TASP1: variants seen among roughly 807,000 people sequenced by gnomAD.
The protein encoded by TASP1 is threonine aspartase 1.
TASP1 carries 16 observed loss-of-function variants against 56.6 expected under a neutral mutation model. That is an observed-to-expected ratio of 0.28 (90% CI 0.19 to 0.43). The LOEUF (loss-of-function observed/expected upper bound fraction) is 0.43, where lower values mean the gene tolerates loss of function less well. TASP1 is among the 20% of genes least tolerant of loss of function. TASP1 has a pLI of 1.00. For synonymous variants in TASP1, 179 were observed against 184.2 expected (o/e 0.97, Z 0.23); for missense variants, 393 against 511.6 (o/e 0.77, Z 2.24).
chr20:13,491,384 C>G (rs902018509), intron 10 of TASP1, among the ~76,000 whole-genome samples: 2 of 152,158 alleles, frequency 1.3e-5, no homozygotes, highest in African/African-American at 4.8e-5. Flanking sequence ...ACAATACTTT[C>G]TCTTAAGGCA....
Position 13,569,663 on chromosome 20 carries a change from T to A in TASP1, c.489-77A>T, listed in dbSNP as rs960515485. The A allele has an allele frequency of 5.2e-5, 67 of 1,277,802 alleles. No individual in the cohort carries two copies. In the African/African-American group the frequency reaches 8.7e-4, roughly 17 times the overall value. The allele number at this position is 1,277,802 out of a possible 1,614,324, so 79.2% of individuals were successfully genotyped here. On this transcript the variant is annotated intron_variant, in intron 6 of 13. Coordinates refer to ENST00000337743, the MANE Select transcript of TASP1 (RefSeq NM_017714.3). Reference sequence around the variant, plus strand: ...TATTCAATAAATATAGGTAATATGGTAAGGCAGTTGAGAAAAAGTCTTGCA... The same window carrying A: ...TATTCAATAAATATAGGTAATATGGAAAGGCAGTTGAGAAAAAGTCTTGCA...
the TASP1 span, chr20:13,221,968 CG>C: frequency 1.5e-6 from 2 of 1,294,156 alleles, no homozygotes; most frequent in East Asian, 3.2e-5. Context: ...GTTTGTGGGG[CG>C]GGGGTGCTGA....
chr20:13,309,627 C>T, the TASP1 span, among the ~76,000 whole-genome samples: 2 of 152,220 alleles, frequency 1.3e-5, no homozygotes, highest in South Asian at 4.1e-4. Flanking sequence ...AAATAAAAGG[C>T]ATCTAAATCA....
the TASP1 span, among the ~76,000 whole-genome samples, chr20:13,144,069 G>T: frequency 6.6e-6 from 1 of 152,108 alleles, no homozygotes; most frequent in African/African-American, 2.4e-5. Context: ...TGACTCTCAA[G>T]GTGGCATTTT....
chr20:13,417,741 G>C (rs1269095588), intron 12 of TASP1, among the ~76,000 whole-genome samples: 1 of 152,114 alleles, frequency 6.6e-6, no homozygotes, highest in East Asian at 1.9e-4. Context: ...CAAAAGTTAT[G>C]ATTATTACAT....
the TASP1 span, among the ~76,000 whole-genome samples, chr20:13,310,399 T>G: frequency 1.3e-5 from 2 of 152,068 alleles, no homozygotes; most frequent in Non-Finnish European, 2.9e-5. Context: ...TGGACTCTTA[T>G]CTCACCCCAC....
At chr20:13,270,516 G>C in the TASP1 span, 1 of 1,613,034 alleles carries the variant, frequency 6.2e-7, no homozygotes, top group Non-Finnish European at 8.5e-7. Flanking sequence ...TAACCTCAAC[G>C]TGGGAAGTGA....
the TASP1 span, among the ~76,000 whole-genome samples, chr20:13,113,661 G>A: frequency 6.6e-6 from 1 of 152,154 alleles, no homozygotes; most frequent in Non-Finnish European, 1.5e-5. Context: ...CATCTGTGTG[G>A]CCTCCATAGG....
Position 13,528,497 on chromosome 20 carries a change from T to G in TASP1, c.810A>C (p.Gly270=). ...PGRVGQAALY[G]CGCWAENTGA... ...CAGTATTTTCAGCCCAGCAGCCACA[T>G]CCATAAAGAGCAGCCTGGGGAAAAA... Residue 270 remains glycine, a synonymous_variant, in exon 10 of 14, where the codon GGA becomes GGC. Transcript: ENST00000337743. 1 of 1,609,502 alleles carries G rather than the reference T, an allele frequency of 6.2e-7. No homozygotes were observed. Among genetic ancestry groups the G allele is most frequent in the Non-Finnish European group, 8.5e-7 (1 of 1,177,506 alleles).
chr20:13,306,847 G>A, the TASP1 span, among the ~76,000 whole-genome samples: 1 of 152,152 alleles, frequency 6.6e-6, no homozygotes, highest in Non-Finnish European at 1.5e-5. Context: ...GGTCAAGAAA[G>A]AACGAGGTGT....
At chr20:13,470,743 C>G (rs984941967) in intron 11 of TASP1, among the ~76,000 whole-genome samples, 7 of 152,122 alleles carry the variant, frequency 4.6e-5, no homozygotes, top group African/African-American at 1.7e-4. Flanking sequence ...TCTAACTTGT[C>G]CCCTTCTTCA....
At chr20:13,405,521 G>T (rs2041882551) in intron 13 of TASP1, among the ~76,000 whole-genome samples, 1 of 152,056 alleles carries the variant, frequency 6.6e-6, no homozygotes, top group African/African-American at 2.4e-5. Context: ...CCTCCACATT[G>T]AATAAAATTT....
At chr20:13,111,774 C>T in the TASP1 span, among the ~76,000 whole-genome samples, 2 of 152,170 alleles carry the variant, frequency 1.3e-5, no homozygotes, top group Admixed American at 1.3e-4. Context: ...GCAGAGTAAA[C>T]AAAACCCAAC....
At chr20:13,482,985 T>C (rs2043191812) in intron 11 of TASP1, among the ~76,000 whole-genome samples, 1 of 152,222 alleles carries the variant, frequency 6.6e-6, no homozygotes, top group Non-Finnish European at 1.5e-5. Flanking sequence ...TTTATTCTAC[T>C]ATATGAGAGC....
intron 4 of TASP1, among the ~76,000 whole-genome samples, chr20:13,603,206 G>A (rs955996404): frequency 6.6e-6 from 1 of 151,786 alleles, no homozygotes; most frequent in African/African-American, 2.4e-5. Flanking sequence ...ACTCTAGCCT[G>A]GGAGATAAAT....
intron 11 of TASP1, among the ~76,000 whole-genome samples, chr20:13,444,433 G>C (rs2043328553): frequency 6.6e-6 from 1 of 152,080 alleles, no homozygotes; most frequent in Non-Finnish European, 1.5e-5. Context: ...TATCTATGGA[G>C]AAAAATAAAT....
the TASP1 span, among the ~76,000 whole-genome samples, chr20:13,269,757 G>A: frequency 6.6e-6 from 1 of 152,004 alleles, no homozygotes; most frequent in African/African-American, 2.4e-5. Context: ...TTTCTTCTTG[G>A]CAGTCACCGT....
intron 8 of TASP1, among the ~76,000 whole-genome samples, chr20:13,558,060 T>C (rs1601239882): frequency 6.6e-6 from 1 of 152,176 alleles, no homozygotes; most frequent in African/African-American, 2.4e-5. Context: ...AAACTGATTA[T>C]CTCGTGGCAA....
intron 13 of TASP1, among the ~76,000 whole-genome samples, chr20:13,403,836 C>T (rs1281225641): frequency 6.6e-6 from 1 of 151,902 alleles, no homozygotes; most frequent in East Asian, 1.9e-4. Flanking sequence ...GAGCCATAAT[C>T]GGGTCACTGC....
Sources: allele counts gnomAD v4.1 joint callset (sites outside exome capture counted in the v4.1 genomes callset), GRCh38; gene constraint gnomAD v4.1.1; transcripts MANE v1.5; gene names NCBI Gene and HGNC (gene_info 2026-07-23, HGNC 2026-07-21).